Variants in MACF1 observed in about 807,000 individuals in gnomAD.
MACF1 encodes the protein microtubule actin crosslinking factor 1.
A neutral mutation model predicts 854.8 loss-of-function variants in MACF1; 193 were observed. The ratio of observed to expected loss-of-function variants is 0.23; its 90% CI spans 0.20 to 0.25. MACF1 has a LOEUF of 0.25. MACF1 is among the 10% of genes least tolerant of loss of function. The pLI is 1.00. For missense variants in MACF1, 7,722 were observed against 8,929.1 expected (o/e 0.86, Z 5.45); for synonymous variants, 3,185 against 3,226.7 (o/e 0.99, Z 0.44).
chr1:39,205,232 G>A, intron 1 of MACF1, 101 bp downstream of exon 1: 1 of 675,120 alleles, frequency 1.5e-6, no homozygotes, highest in Non-Finnish European at 2.7e-6. Flanking sequence ...TAAAGGGCCA[G>A]TACGTCCTTC....
intron 23 of MACF1, among the ~76,000 whole-genome samples, chr1:39,305,401 A>C (rs1646150622): frequency 6.6e-6 from 1 of 152,146 alleles, no homozygotes; most frequent in African/African-American, 2.4e-5. Context: ...TTCCAGAGTC[A>C]AGTGTTTTCA....
At chr1:39,096,242 A>G (rs1641933986) in intron 2 of MACF1, among the ~76,000 whole-genome samples, 1 of 152,010 alleles carries the variant, frequency 6.6e-6, no homozygotes, top group African/African-American at 2.4e-5. Context: ...GGAAAAAGAA[A>G]CAGGTGAAAG....
intron 2 of MACF1, among the ~76,000 whole-genome samples, chr1:39,246,826 G>T (rs1644986690): frequency 6.6e-6 from 1 of 151,896 alleles, no homozygotes; most frequent in Admixed American, 6.6e-5. Flanking sequence ...GGAGCCCCTG[G>T]TATGCTGGAG....
chr1:39,138,733 C>A (rs1643249455), intron 2 of MACF1, among the ~76,000 whole-genome samples: 1 of 151,854 alleles, frequency 6.6e-6, no homozygotes, highest in South Asian at 2.1e-4. Flanking sequence ...GGCGCAATCT[C>A]AGCTCACTGC....
In MACF1 at chr1:39,335,532, G is replaced by A. The variant is rs1387865128; in HGVS notation, c.8944G>A (p.Val2982Ile). The change falls in exon 37 of 101, where the codon GTA (valine) becomes ATA (isoleucine). Residue 2982 changes from valine to isoleucine, a missense_variant. Val to Ile is a conservative substitution (Grantham distance 29). Around this residue, in one of 15 missense-constraint regions of MACF1, gnomAD observed 854 missense variants for 852.6 expected, o/e 1.00. Transcript: ENST00000564288. ...TAAGAGAGAGAAGAGGGAGGTGATT[G>A]TAGAAGAAAGTATCAGAACATGCAA... ...KSKREKREVI[V>I]EESIRTCKPA... 6.2e-7 allele frequency: 1 copy of A among 1,614,150 alleles called. No homozygotes were observed. The highest frequency in any genetic ancestry group is 8.5e-7 in the Non-Finnish European group (1 of 1,180,018).
intron 35 of MACF1, among the ~76,000 whole-genome samples, chr1:39,325,546 T>C (rs1646594229): frequency 6.6e-6 from 1 of 152,256 alleles, no homozygotes; most frequent in Admixed American, 6.5e-5. Context: ...AAAGATACAA[T>C]GGACTTAACT....
At chr1:39,308,936 G>A (rs1646243887) in intron 23 of MACF1, among the ~76,000 whole-genome samples, 1 of 152,162 alleles carries the variant, frequency 6.6e-6, no homozygotes, top group Non-Finnish European at 1.5e-5. Flanking sequence ...GATTACAGGT[G>A]TGAGCCATGC....
chr1:39,414,434 G>A, intron 58 of MACF1: 1 of 1,614,016 alleles, frequency 6.2e-7, no homozygotes, highest in East Asian at 2.2e-5. Context: ...GTGCTACATG[G>A]GAAAGTGCCT....
intron 95 of MACF1, among the ~76,000 whole-genome samples, chr1:39,465,954 A>G (rs539937650): frequency 4.6e-5 from 7 of 152,314 alleles, no homozygotes; most frequent in Non-Finnish European, 8.8e-5. Flanking sequence ...GAGAGTGTCC[A>G]ATATGCCTAT....
chr1:39,454,990 G>C lies in MACF1; in HGVS notation c.20968G>C (p.Glu6990Gln). 1 of 1,614,120 alleles carries C rather than the reference G, an allele frequency of 6.2e-7. No homozygotes were observed. The highest frequency in any genetic ancestry group is 8.5e-7 in the Non-Finnish European group (1 of 1,180,016). Residue 6990 changes from glutamate (E) to glutamine (Q), a missense_variant, in exon 89 of 101, where the codon GAA (glutamate) becomes CAA (glutamine). Around this residue, in one of 15 missense-constraint regions of MACF1, gnomAD observed 729 missense variants for 900.5 expected, o/e 0.81. Coordinates refer to ENST00000564288, the MANE Select transcript of MACF1 (RefSeq NM_001394062.1). Reference sequence around the variant, plus strand: ...GGTGGCTAATGCTGAGCTCCTGGAAGAACTTCTGGCATGGATCCAGTGGGC... The same window carrying C: ...GGTGGCTAATGCTGAGCTCCTGGAACAACTTCTGGCATGGATCCAGTGGGC... ...ELVANAELLE[E>Q]LLAWIQWAET...
At position 39,486,752 on chromosome 1, in the gene MACF1, T is replaced by G. The variant is rs559560629; in HGVS notation, c.*958T>G. ...TAATGGAGTTCACCAGCACACTTGTTAACCAGTCCTGTTTGCTTTCGTCTT... is the reference window on the plus strand; with the variant it reads ...TAATGGAGTTCACCAGCACACTTGTGAACCAGTCCTGTTTGCTTTCGTCTT... On this transcript the variant is annotated 3_prime_UTR_variant, in exon 101 of 101. Transcript: ENST00000564288. 1.3e-5 allele frequency: 2 copies of G among 152,802 alleles called. No individual in the cohort carries two copies. The highest frequency in any genetic ancestry group is 6.5e-5 in the Admixed American group (1 of 15,306). 9.5% of individuals were successfully genotyped at this position (152,802 alleles called of 1,614,324 possible).
rs1642870440 is a variant in MACF1, at chr1:39,409,241, G to A, written c.15817-13133G>A. Among the ~76,000 whole-genome samples, 1 of 152,080 alleles carries A rather than the reference G, an allele frequency of 6.6e-6. No homozygotes were observed. The highest frequency in any genetic ancestry group is 2.4e-5 in the African/African-American group (1 of 41,446). On this transcript the variant is annotated intron_variant, in intron 58 of 100. Coordinates refer to ENST00000564288, the MANE Select transcript of MACF1 (RefSeq NM_001394062.1). The surrounding 1 kb of genome is among the most constrained non-coding windows in gnomAD (Gnocchi z 4.2). Reference sequence around the variant, plus strand: ...GGCGGGGCCGCGGGGCCAGCGGCGTGGTGGAGAATAGAGGCGGCTGCTTGT... The same window carrying A: ...GGCGGGGCCGCGGGGCCAGCGGCGTAGTGGAGAATAGAGGCGGCTGCTTGT...
Position 39,453,840 on chromosome 1 carries a change from G to A in MACF1, c.20876G>A (p.Arg6959His). ...IKHWITIIRA[R>H]FEEVLTWAKQ... The stretch of plus-strand genomic sequence containing the variant: ...CACTGGATCACCATCATCCGAGCTC[G>A]CTTCGAGGAGGTGAGTCCCTGGTTC... The change falls in exon 88 of 101, where the codon CGC (arginine) becomes CAC (histidine). Residue 6959 changes from arginine (R) to histidine (H), a missense_variant. Transcript: ENST00000564288. 1 of 1,614,146 alleles carries A rather than the reference G, an allele frequency of 6.2e-7. No homozygotes were observed. The highest frequency in any genetic ancestry group is 8.5e-7 in the Non-Finnish European group (1 of 1,180,022).
Position 39,480,981 on chromosome 1 carries a change from C to T in MACF1, c.22232C>T (p.Thr7411Ile). The stretch of plus-strand genomic sequence containing the variant: ...TGGTTGGTAAACAGTAAAGCTGGCA[C>T]CCCTATCAGGGACAGCCATTCTCCT... The part of the protein sequence containing the change: ...KPWLVNSKAG[T>I]PIRDSHSPDL... The change falls in exon 99 of 101, where the codon ACC becomes ATC. Residue 7411 changes from threonine (T) to isoleucine (I), a missense_variant. Physicochemically the swap from Thr to Ile is moderately conservative, Grantham distance 89. Around this residue, in one of 15 missense-constraint regions of MACF1, gnomAD observed 185 missense variants for 225.7 expected, o/e 0.82. Coordinates refer to ENST00000564288, the MANE Select transcript of MACF1 (RefSeq NM_001394062.1). The T allele has an allele frequency of 6.4e-7, 1 of 1,550,812 alleles. No homozygotes were observed. Among genetic ancestry groups the T allele is most frequent in the Non-Finnish European group, 8.7e-7 (1 of 1,147,010 alleles).
At chr1:39,126,842 A>G (rs1245587200) in intron 2 of MACF1, among the ~76,000 whole-genome samples, 2 of 152,126 alleles carry the variant, frequency 1.3e-5, no homozygotes, top group Non-Finnish European at 2.9e-5. Flanking sequence ...TGGTTTAGTC[A>G]CTTTGTAACC....
intron 2 of MACF1, among the ~76,000 whole-genome samples, chr1:39,144,682 G>A (rs999834126): frequency 1.3e-5 from 2 of 149,086 alleles, no homozygotes; most frequent in African/African-American, 5.0e-5. Context: ...ATAGAGACAA[G>A]GTCTCACTAT....
intron 6 of MACF1, among the ~76,000 whole-genome samples, chr1:39,266,440 G>A (rs1645231883): frequency 6.6e-6 from 1 of 152,162 alleles, no homozygotes; most frequent in Admixed American, 6.5e-5. Flanking sequence ...ATAAGATGGT[G>A]CTGCAGTTTT....
chr1:39,411,914 A>G (rs1215920027), intron 58 of MACF1: 2 of 1,613,906 alleles, frequency 1.2e-6, no homozygotes, highest in South Asian at 1.1e-5. Flanking sequence ...CAGGTGCCTA[A>G]TGCTGTGGAA....
chr1:39,271,391 A>G (rs1645317581), intron 6 of MACF1, among the ~76,000 whole-genome samples: 1 of 152,072 alleles, frequency 6.6e-6, no homozygotes, highest in African/African-American at 2.4e-5. Flanking sequence ...AAACCCACCT[A>G]CCCTCACGAG....
Sources: gnomAD v4.1 joint callset for allele counts (sites outside exome capture counted in the v4.1 genomes callset) on GRCh38, gnomAD v4.1.1 for gene constraint, gnomAD v4.1.1 regional missense constraint, Gnocchi (gnomAD v3.1) non-coding constraint, MANE v1.5 for transcripts, NCBI Gene and HGNC (gene_info 2026-07-23, HGNC 2026-07-21) for gene names.